Variants in VWA8 observed in about 807,000 individuals in gnomAD.
VWA8 encodes the protein von Willebrand factor A domain containing 8, also known as von Willebrand factor A domain-containing protein 8.
Under a neutral mutation model 241.5 loss-of-function variants are expected in VWA8, and 221 were observed. The ratio of observed to expected loss-of-function variants is 0.91; its 90% CI spans 0.82 to 1.02. VWA8 has a LOEUF of 1.02. VWA8 is among the 50% of genes least tolerant of loss of function. VWA8 has a pLI of 0.00. For missense variants in VWA8, 2,322 were observed against 2,328.7 expected, an observed-to-expected ratio of 1.00 and a Z score of 0.06; for synonymous variants, 852 against 827.1, an observed-to-expected ratio of 1.03 and a Z score of -0.52.
chr13:41,765,631 C>T (rs1376897593), intron 20 of VWA8, among the ~76,000 whole-genome samples: 1 of 152,066 alleles, frequency 6.6e-6, no homozygotes, highest in Non-Finnish European at 1.5e-5. Context: ...TATAAAGTTA[C>T]ACATGCTTAT....
At chr13:41,591,352 A>ATT (rs2044453616) in intron 40 of VWA8, among the ~76,000 whole-genome samples, 1 of 152,246 alleles carries the variant, frequency 6.6e-6, no homozygotes, top group East Asian at 1.9e-4. Flanking sequence ...ATAACTTACA[A>ATT]TTATGCCAGA....
intron 4 of VWA8, among the ~76,000 whole-genome samples, chr13:41,898,047 C>T (rs1399102120): frequency 6.6e-6 from 1 of 152,162 alleles, no homozygotes; most frequent in Non-Finnish European, 1.5e-5. Context: ...TTCTCCAAGG[C>T]CCCACCAGAA....
At chr13:41,879,457 C>A (rs536855052) in intron 9 of VWA8, among the ~76,000 whole-genome samples, 1 of 151,278 alleles carries the variant, frequency 6.6e-6, no homozygotes, top group South Asian at 2.1e-4. Flanking sequence ...CTGCTTCCAT[C>A]CTCTGCTGTC....
chr13:41,779,042 C>T (rs1868767450), intron 19 of VWA8, among the ~76,000 whole-genome samples: 3 of 150,466 alleles, frequency 2.0e-5, no homozygotes, highest in African/African-American at 4.9e-5. Context: ...AGGGTTTCAC[C>T]GTGTTAGCCA....
chr13:41,806,095 C>T (rs1870194967), intron 17 of VWA8, among the ~76,000 whole-genome samples: 1 of 150,504 alleles, frequency 6.6e-6, no homozygotes, highest in Non-Finnish European at 1.5e-5. Flanking sequence ...TTGGAAACTA[C>T]ACAAATACAT....
chr13:41,825,172 T>A (rs921262687), intron 14 of VWA8, among the ~76,000 whole-genome samples: 1 of 152,242 alleles, frequency 6.6e-6, no homozygotes, highest in Non-Finnish European at 1.5e-5. Flanking sequence ...ACACCACAGA[T>A]GGCAACAAGT....
intron 21 of VWA8, among the ~76,000 whole-genome samples, chr13:41,740,953 C>T (rs1240303700): frequency 6.6e-6 from 1 of 152,186 alleles, no homozygotes; most frequent in African/African-American, 2.4e-5. Flanking sequence ...TGGAAATAGG[C>T]TACTGTCCAG....
chr13:41,927,723 A>T (rs1361032114), intron 2 of VWA8, among the ~76,000 whole-genome samples: 1 of 152,236 alleles, frequency 6.6e-6, no homozygotes, highest in African/African-American at 2.4e-5. Flanking sequence ...AACAGCCAGA[A>T]AACAAATAAC....
intron 35 of VWA8, 44 bp downstream of exon 35, chr13:41,685,003 T>C: frequency 1.3e-6 from 2 of 1,561,810 alleles, no homozygotes; most frequent in Non-Finnish European, 1.7e-6. Context: ...GGAAGCTACT[T>C]TAAACCACCT....
At chr13:41,738,270 C>T (rs2045541109) in intron 21 of VWA8, among the ~76,000 whole-genome samples, 1 of 152,004 alleles carries the variant, frequency 6.6e-6, no homozygotes, top group African/African-American at 2.4e-5. Flanking sequence ...CACTAACATG[C>T]TCAGATGCAA....
intron 42 of VWA8, among the ~76,000 whole-genome samples, chr13:41,585,842 C>A (rs530889018): frequency 7.2e-6 from 1 of 138,646 alleles, no homozygotes; most frequent in African/African-American, 2.7e-5. Context: ...CCAGCCTGGG[C>A]GACAGAGTGA....
intron 21 of VWA8, among the ~76,000 whole-genome samples, chr13:41,739,828 T>G (rs541525062): frequency 1.9e-4 from 14 of 73,218 alleles, no homozygotes; most frequent in Admixed American, 7.1e-4. Context: ...TGTTTTTTTG[T>G]TTTTTTTTTT....
In VWA8 at chr13:41,690,272, T is replaced by C. The variant is rs577536673; in HGVS notation, c.3870A>G (p.Lys1290=). ...TGTGTGCAGGCTTAGTTAAAAGATA[T>C]TTCCTGCAAACAAACAAAACATCTA... The part of the protein sequence containing the change: ...WLLVESKTNQ[K]YLLTKPAHIE... Residue 1290 remains lysine, a synonymous_variant, in exon 33 of 45, where the codon AAA becomes AAG. Transcript: ENST00000379310. 7 of 1,606,246 alleles carry C rather than the reference T, an allele frequency of 4.4e-6. No individual in the cohort carries two copies. In the South Asian group the frequency reaches 5.6e-5, roughly 13 times the overall value.
chr13:41,606,310 A>C (rs1257589959), intron 39 of VWA8, among the ~76,000 whole-genome samples: 1 of 152,214 alleles, frequency 6.6e-6, no homozygotes. Context: ...AGTAGAAATG[A>C]ATGACTGAAA....
Position 41,615,002 on chromosome 13 carries a change from C to G in VWA8, c.4694G>C (p.Gly1565Ala). Residue 1565 changes from glycine (G) to alanine (A), a missense_variant, in exon 38 of 45, where the codon GGC becomes GCC. By Grantham distance (60) the Gly-to-Ala change is moderately conservative. Coordinates refer to ENST00000379310, the MANE Select transcript of VWA8 (RefSeq NM_015058.2). ...KEDPDNMPHV[G>A]GNTWAGGTGG... Reference sequence around the variant, plus strand: ...TGTTCCGCCAGCCCAAGTGTTGCCGCCCACGTGAGGCATGTTGTCTGGGTC... The same window carrying G: ...TGTTCCGCCAGCCCAAGTGTTGCCGGCCACGTGAGGCATGTTGTCTGGGTC... 6.2e-7 allele frequency: 1 copy of G among 1,613,598 alleles called. No individual in the cohort carries two copies. The highest frequency in any genetic ancestry group is 8.5e-7 in the Non-Finnish European group (1 of 1,179,952).
At chr13:41,701,332 A>G in intron 28 of VWA8, 60 bp downstream of exon 28, 1 of 1,488,702 alleles carries the variant, frequency 6.7e-7, no homozygotes, top group South Asian at 1.5e-5. Flanking sequence ...AGATTATTTT[A>G]ATCCATCTTT....
intron 4 of VWA8, among the ~76,000 whole-genome samples, chr13:41,897,227 A>G (rs1169733106): frequency 6.6e-6 from 1 of 152,168 alleles, no homozygotes; most frequent in Admixed American, 6.5e-5. Context: ...CAAAAAAAAA[A>G]GATAAGATTT....
chr13:41,924,721 C>A (rs1022776228), intron 2 of VWA8, among the ~76,000 whole-genome samples: 4 of 150,730 alleles, frequency 2.7e-5, no homozygotes, highest in African/African-American at 9.8e-5. Context: ...GGATACAGTT[C>A]TCCCACAAAG....
intron 42 of VWA8, among the ~76,000 whole-genome samples, chr13:41,582,998 G>T (rs542344486): frequency 6.6e-6 from 1 of 152,322 alleles, no homozygotes; most frequent in Admixed American, 6.5e-5. Flanking sequence ...CCATGGAGAG[G>T]AAGGCCAGCT....
Sources: allele counts gnomAD v4.1 joint callset (sites outside exome capture counted in the v4.1 genomes callset), GRCh38; gene constraint gnomAD v4.1.1; transcripts MANE v1.5; gene names NCBI Gene and HGNC (gene_info 2026-07-23, HGNC 2026-07-21).